CAMK2D: variants seen among roughly 807,000 people sequenced by gnomAD.
CAMK2D encodes the protein calcium/calmodulin dependent protein kinase II delta, also known as calcium/calmodulin-dependent protein kinase type II subunit delta.
CAMK2D carries 37 observed loss-of-function variants against 84.0 expected under a neutral mutation model. The observed-to-expected ratio is 0.44, with a 90% CI of 0.34 to 0.58. The LOEUF (loss-of-function observed/expected upper bound fraction) is 0.58. Ranked by LOEUF, CAMK2D falls within the 20% of genes least tolerant of loss-of-function variation. The pLI, the probability that CAMK2D is intolerant of heterozygous loss-of-function variation, is 0.02. For missense variants in CAMK2D, 448 were observed against 652.5 expected, an observed-to-expected ratio of 0.69 and a Z score of 3.41; for synonymous variants, 202 against 212.5, an observed-to-expected ratio of 0.95 and a Z score of 0.43.
At chr4:113,467,016 T>C (rs1216479216) in intron 16 of CAMK2D, among the ~76,000 whole-genome samples, 1 of 152,250 alleles carries the variant, frequency 6.6e-6, no homozygotes, top group African/African-American at 2.4e-5. Context: ...AGATGCTCAA[T>C]GTTTGTGAAT....
chr4:113,537,596 A>C (rs2098502358), intron 6 of CAMK2D, among the ~76,000 whole-genome samples, 153 bp from the exon 7 acceptor site: 1 of 152,210 alleles, frequency 6.6e-6, no homozygotes, highest in Non-Finnish European at 1.5e-5. Flanking sequence ...GGGAAAATAC[A>C]GTTAGAAAAT....
In CAMK2D at chr4:113,500,458, C is replaced by A. The variant is rs757732154; in HGVS notation, c.1135+5G>T. 6.4e-7 allele frequency: 1 copy of A among 1,571,892 alleles called. No homozygotes were observed. Among genetic ancestry groups the A allele is most frequent in the South Asian group, 1.1e-5 (1 of 88,958 alleles). On this transcript the variant is annotated splice_donor_5th_base_variant and intron_variant, in intron 16 of 20. Coordinates refer to ENST00000511664, the MANE Select transcript of CAMK2D (RefSeq NM_001321571.2). ...TAGGATTTTCCATTTCTGGTTAAATCATACCTTTCACATCTTCATCCTCAA... is the reference window on the plus strand; with the variant it reads ...TAGGATTTTCCATTTCTGGTTAAATAATACCTTTCACATCTTCATCCTCAA...
At chr4:113,454,565 TATC>T (rs758894785) in intron 20 of CAMK2D, 50 bp from the exon 21 acceptor site, 16 of 774,536 alleles carry the variant, frequency 2.1e-5, no homozygotes, top group Non-Finnish European at 3.6e-5. Flanking sequence ...TTTTACAAAA[TATC>T]ATCAAATTGC....
intron 2 of CAMK2D, among the ~76,000 whole-genome samples, chr4:113,718,434 T>A (rs140161735): frequency 1.3e-5 from 2 of 152,286 alleles, no homozygotes; most frequent in African/African-American, 4.8e-5. Context: ...ATCTAAGTGA[T>A]GCCAGATGAT....
chr4:113,653,998 T>C (rs2099187725), intron 3 of CAMK2D, among the ~76,000 whole-genome samples: 1 of 152,030 alleles, frequency 6.6e-6, no homozygotes, highest in Admixed American at 6.6e-5. Flanking sequence ...AAATTTCTTG[T>C]GAAAACTAGG....
At chr4:113,463,823 A>G (rs538534540) in intron 17 of CAMK2D, among the ~76,000 whole-genome samples, 59 of 152,348 alleles carry the variant, frequency 3.9e-4, no homozygotes, top group African/African-American at 1.4e-3. Context: ...TTTAATGGGA[A>G]TGGTACTGTT....
intron 7 of CAMK2D, among the ~76,000 whole-genome samples, chr4:113,533,447 G>A (rs1264696849): frequency 3.3e-5 from 5 of 151,868 alleles, no homozygotes; most frequent in Admixed American, 3.3e-4. Context: ...AGTAATGAGA[G>A]CTTGCCTTTT....
At chr4:113,471,822 C>T (rs2097549912) in intron 16 of CAMK2D, among the ~76,000 whole-genome samples, 1 of 152,002 alleles carries the variant, frequency 6.6e-6, no homozygotes, top group Non-Finnish European at 1.5e-5. Flanking sequence ...AGTCCCCCTC[C>T]TCTCATGGTC....
chr4:113,493,839 T>C (rs1448667410), intron 16 of CAMK2D, among the ~76,000 whole-genome samples: 3 of 151,964 alleles, frequency 2.0e-5, no homozygotes, highest in Non-Finnish European at 4.4e-5. Context: ...GCTTTGCTCA[T>C]TTCTTTTTAT....
At chr4:113,709,216 C>A (rs1303677129) in intron 2 of CAMK2D, among the ~76,000 whole-genome samples, 2 of 141,856 alleles carry the variant, frequency 1.4e-5, no homozygotes, top group Non-Finnish European at 3.1e-5. Context: ...TCTTGAGTAT[C>A]CACATTATAA....
chr4:113,581,453 C>T (rs974804818), intron 4 of CAMK2D, among the ~76,000 whole-genome samples: 1 of 145,432 alleles, frequency 6.9e-6, no homozygotes, highest in Non-Finnish European at 1.5e-5. Flanking sequence ...GCGGAGGTTG[C>T]GGTGAGCCAA....
chr4:113,481,615 G>A (rs529548567), intron 16 of CAMK2D, among the ~76,000 whole-genome samples: 2 of 152,244 alleles, frequency 1.3e-5, no homozygotes, highest in South Asian at 4.1e-4. Context: ...AAGTAGCTGA[G>A]ATTACAGGCA....
At chr4:113,472,944 G>A (rs2097564080) in intron 16 of CAMK2D, among the ~76,000 whole-genome samples, 2 of 152,196 alleles carry the variant, frequency 1.3e-5, no homozygotes, top group South Asian at 4.1e-4. Context: ...GGACAAGGAG[G>A]TTAAGTGACT....
chr4:113,675,561 T>C (rs2099314848), intron 2 of CAMK2D, among the ~76,000 whole-genome samples: 1 of 152,136 alleles, frequency 6.6e-6, no homozygotes, highest in Non-Finnish European at 1.5e-5. Flanking sequence ...ATCTAACTCA[T>C]TGGTTCCACA....
At chr4:113,657,576 C>T (rs2099207269) in intron 3 of CAMK2D, among the ~76,000 whole-genome samples, 1 of 151,978 alleles carries the variant, frequency 6.6e-6, no homozygotes, top group Non-Finnish European at 1.5e-5. Flanking sequence ...AAGTTGAGCC[C>T]TCAGGTTTCT....
chr4:113,586,047 T>A (rs890199020), intron 4 of CAMK2D, among the ~76,000 whole-genome samples: 3 of 152,156 alleles, frequency 2.0e-5, no homozygotes, highest in African/African-American at 7.2e-5. Flanking sequence ...TTTTAATTTG[T>A]TTTTTGTTTC....
intron 13 of CAMK2D, among the ~76,000 whole-genome samples, chr4:113,506,744 A>T (rs565582055): frequency 6.6e-6 from 1 of 152,332 alleles, no homozygotes; most frequent in Admixed American, 6.5e-5. Context: ...CAAATGAAAG[A>T]AATATTCTGA....
intron 16 of CAMK2D, among the ~76,000 whole-genome samples, chr4:113,466,183 G>C (rs756337075): frequency 4.0e-5 from 6 of 151,832 alleles, no homozygotes; most frequent in African/African-American, 7.3e-5. Context: ...CTTGAACCTG[G>C]GAGGTGGAGG....
At chr4:113,514,972 C>A in intron 10 of CAMK2D, 97 bp downstream of exon 10, 1 of 1,152,786 alleles carries the variant, frequency 8.7e-7, no homozygotes, top group Non-Finnish European at 1.3e-6. Context: ...TGAGTTTCAT[C>A]TTTTTTTGCA....
Sources: allele counts gnomAD v4.1 joint callset (sites outside exome capture counted in the v4.1 genomes callset), GRCh38; gene constraint gnomAD v4.1.1; transcripts MANE v1.5; gene names NCBI Gene and HGNC (gene_info 2026-07-23, HGNC 2026-07-21).